The following CREB5 variants were observed in gnomAD, a reference collection of about 807,000 sequenced individuals.
CREB5 encodes the protein cyclic AMP-responsive element-binding protein 5.
CREB5 carries 19 observed loss-of-function variants against 57.1 expected under a neutral mutation model. That is an observed-to-expected ratio of 0.33 (90% CI 0.23 to 0.49). CREB5 has a LOEUF of 0.49. CREB5 is among the 20% of genes least tolerant of loss of function. CREB5 has a pLI of 0.99. For synonymous variants in CREB5, 238 were observed against 238.3 expected, an observed-to-expected ratio of 1.00 and a Z score of 0.01; for missense variants, 579 against 671.6, an observed-to-expected ratio of 0.86 and a Z score of 1.52.
rs142004135 is a variant in CREB5, at chr7:28,698,340, A to T, written c.465-20413A>T. On this transcript the variant is annotated intron_variant, in intron 5 of 10. Transcript: ENST00000357727. ...ATAGTCTCTCTTCCTCATCCCCCAAACCCCACTCCCCACCAAAAAAAAAAA... is the reference window on the plus strand; with the variant it reads ...ATAGTCTCTCTTCCTCATCCCCCAATCCCCACTCCCCACCAAAAAAAAAAA... 6.4e-3 allele frequency among the ~76,000 whole-genome samples: 697 copies of T among 108,338 alleles called. 4 individuals are homozygous for T. Among genetic ancestry groups the T allele is most frequent in the African/African-American group, 0.023 (657 of 28,186 alleles). The allele number at this position is 108,338 out of a possible 152,430, so 71.1% of individuals were successfully genotyped here.
In CREB5 at chr7:28,381,414, A is replaced by C. The variant is rs528582556; in HGVS notation, c.-25+81973A>C. ...AACCAATGAGAGTGAAATTTAAGAA[A>C]CAGATCAGATTATTGGGAAATGGAG... On this transcript the variant is annotated intron_variant, in intron 1 of 9. Coordinates refer to the CREB5 transcript ENST00000396299. Among the ~76,000 whole-genome samples the C allele has an allele frequency of 5.9e-5, 9 of 152,348 alleles. No individual in the cohort carries two copies. The East Asian group carries it at 1.7e-3, about 29-fold the overall frequency.
Position 28,538,268 on chromosome 7 carries a change from G to A in CREB5, c.291+30531G>A, listed in dbSNP as rs183150663. On this transcript the variant is annotated intron_variant, in intron 4 of 10. Transcript: ENST00000357727. ...AGAGTTTCGCCATGTTGGCCAGGCT[G>A]GTCTCGAACTCCTGACCTCAAGTGA... 5.6e-3 allele frequency among the ~76,000 whole-genome samples: 854 copies of A among 152,210 alleles called. 9 individuals carry two copies. Among genetic ancestry groups the A allele is most frequent in the South Asian group, 0.039 (188 of 4,812 alleles).
At chr7:28,322,743 G>T (rs978670297) in intron 1 of CREB5, among the ~76,000 whole-genome samples, 3 of 152,076 alleles carry the variant, frequency 2.0e-5, no homozygotes, top group Non-Finnish European at 4.4e-5. Context: ...GAGGATGATG[G>T]TTCCCAGCCT....
At position 28,393,803 on chromosome 7, in the gene CREB5, G is replaced by A. The variant is rs115977589; in HGVS notation, c.-25+94362G>A. Among the ~76,000 whole-genome samples, 922 of 152,110 alleles carry A rather than the reference G, an allele frequency of 6.1e-3. 13 individuals are homozygous for A. Among genetic ancestry groups the A allele is most frequent in the African/African-American group, 0.02 (825 of 41,474 alleles). ...TTAAAGTGGACTTGGGACTGGGCGC[G>A]GTGGCTCACGCCTGTAATCCCAGCA... On this transcript the variant is annotated intron_variant, in intron 1 of 9. Transcript: ENST00000396299.
At position 28,392,981 on chromosome 7, in the gene CREB5, A is replaced by G. The variant is rs561339059; in HGVS notation, c.-25+93540A>G. Among the ~76,000 whole-genome samples, 14 of 151,338 alleles carry G rather than the reference A, an allele frequency of 9.3e-5. 1 individual carries two copies. In the South Asian group the frequency reaches 2.7e-3, roughly 29 times the overall value. On this transcript the variant is annotated intron_variant, in intron 1 of 9. Transcript: ENST00000396299. ...CTCTTGTTGCCTACACTGGAGGGCCATGGTGTGATCTTGGCTCACCGCAAC... is the reference window on the plus strand; with the variant it reads ...CTCTTGTTGCCTACACTGGAGGGCCGTGGTGTGATCTTGGCTCACCGCAAC...
upstream of CREB5, among the ~76,000 whole-genome samples, chr7:28,409,176 C>T (rs1787662233): frequency 6.6e-6 from 1 of 151,452 alleles, no homozygotes; most frequent in Non-Finnish European, 1.5e-5. The surrounding 1 kb of genome is among the most constrained non-coding windows in gnomAD (Gnocchi z 4.4). Context: ...GCGGGTGCAC[C>T]AGGGTCCGCG....
chr7:28,491,387 T>A, intron 2 of CREB5: 1 of 341,996 alleles, frequency 2.9e-6, no homozygotes, highest in Non-Finnish European at 4.1e-6. Flanking sequence ...AGGAAGTGAC[T>A]TGAAAATGCT....
chr7:28,732,331 C>T (rs1436760832), intron 7 of CREB5, among the ~76,000 whole-genome samples: 2 of 152,112 alleles, frequency 1.3e-5, no homozygotes, highest in African/African-American at 2.4e-5. Context: ...GCCCAGCACG[C>T]GCATTGCTGG....
intron 5 of CREB5, among the ~76,000 whole-genome samples, chr7:28,574,636 G>A (rs1795835491): frequency 6.6e-6 from 1 of 152,128 alleles, no homozygotes; most frequent in South Asian, 2.1e-4. Context: ...AGCTCTGACG[G>A]GTTATGGGAG....
intron 1 of CREB5, among the ~76,000 whole-genome samples, chr7:28,458,232 A>G (rs866099145): frequency 7.9e-5 from 12 of 152,220 alleles, no homozygotes; most frequent in African/African-American, 2.7e-4. Context: ...AGTACTCACT[A>G]AGCAAATATG....
chr7:28,338,602 T>G (rs1178639415), intron 1 of CREB5, among the ~76,000 whole-genome samples: 1 of 152,148 alleles, frequency 6.6e-6, no homozygotes. Context: ...GAGGTAGTCT[T>G]TTTTGGATTA....
intron 5 of CREB5, among the ~76,000 whole-genome samples, chr7:28,663,314 C>T (rs1799685817): frequency 6.6e-6 from 1 of 151,924 alleles, no homozygotes; most frequent in Non-Finnish European, 1.5e-5. Context: ...AAGCGATTCT[C>T]CCATCTCAGC....
chr7:28,692,286 C>T (rs1428291912), intron 5 of CREB5, among the ~76,000 whole-genome samples: 1 of 151,536 alleles, frequency 6.6e-6, no homozygotes, highest in Non-Finnish European at 1.5e-5. Context: ...AAGGGGACTC[C>T]TTTTACATTG....
chr7:28,613,286 C>T (rs1797467415), intron 5 of CREB5, among the ~76,000 whole-genome samples: 1 of 152,150 alleles, frequency 6.6e-6, no homozygotes, highest in East Asian at 1.9e-4. Flanking sequence ...AGGTTCATTG[C>T]AATATATTGG....
intron 5 of CREB5, among the ~76,000 whole-genome samples, chr7:28,682,686 G>GC (rs1341376690): frequency 6.8e-6 from 1 of 147,444 alleles, no homozygotes; most frequent in African/African-American, 2.5e-5. Context: ...TAAAAGTGGG[G>GC]GGGGGGGGAA....
chr7:28,734,262 A>G (rs889196138), intron 7 of CREB5, among the ~76,000 whole-genome samples: 14 of 149,468 alleles, frequency 9.4e-5, no homozygotes, highest in African/African-American at 2.8e-4. Flanking sequence ...AATGGATTCC[A>G]GTATAGTTTT....
chr7:28,674,965 GTCT>G (rs992076444), intron 5 of CREB5, among the ~76,000 whole-genome samples: 2 of 151,842 alleles, frequency 1.3e-5, no homozygotes, highest in African/African-American at 4.8e-5. Flanking sequence ...TCCCTCCAAG[GTCT>G]TCTTTCTTTT....
At chr7:28,427,164 A>G (rs79829714) in intron 1 of CREB5, among the ~76,000 whole-genome samples, 7,149 of 152,246 alleles carry the variant, frequency 0.047, 481 homozygotes, top group East Asian at 0.23. Flanking sequence ...GGAAAAACTG[A>G]TTTTTCATTT....
At chr7:28,805,127 G>T (rs918905661) in intron 8 of CREB5, among the ~76,000 whole-genome samples, 1 of 152,192 alleles carries the variant, frequency 6.6e-6, no homozygotes, top group African/African-American at 2.4e-5. Flanking sequence ...TGAGAAATGC[G>T]TTGGAGGGAA....
Sources: gnomAD v4.1 joint callset for allele counts (sites outside exome capture counted in the v4.1 genomes callset) on GRCh38, gnomAD v4.1.1 for gene constraint, Gnocchi (gnomAD v3.1) non-coding constraint, MANE v1.5 for transcripts, NCBI Gene and HGNC (gene_info 2026-07-23, HGNC 2026-07-21) for gene names.